Variants in GABRB1 observed in about 807,000 individuals in gnomAD.
GABRB1 encodes the protein gamma-aminobutyric acid receptor subunit beta-1.
Under a neutral mutation model 51.6 loss-of-function variants are expected in GABRB1, and 17 were observed. That is an observed-to-expected ratio of 0.33 (90% CI 0.23 to 0.49). The LOEUF (loss-of-function observed/expected upper bound fraction) is 0.49, where lower values mean the gene tolerates loss of function less well. GABRB1 is among the 20% of genes least tolerant of loss of function. GABRB1 has a pLI of 0.99. For missense variants in GABRB1, 410 were observed against 600.6 expected (o/e 0.68, Z 3.32); for synonymous variants, 247 against 218.9 (o/e 1.13, Z -1.14).
Position 47,031,923 on chromosome 4 carries a change from A to T in GABRB1, c.90A>T (p.Glu30Asp), listed in dbSNP as rs1577840620. ...TACTTCTTCCCCTTAGCACCAATGA[A>T]CCCAGCAACATGTCATACGTGAAAG... ...TMVCCAHSTN[E>D]PSNMSYVKET... Residue 30 changes from glutamate (E) to aspartate (D), a missense_variant, in exon 2 of 9, where the codon GAA (glutamate) becomes GAT (aspartate). Around this residue, in one of 5 missense-constraint regions of GABRB1, gnomAD observed 56 missense variants for 54.8 expected, o/e 1.02. Transcript: ENST00000295454. The T allele has an allele frequency of 6.2e-7, 1 of 1,613,926 alleles. No homozygotes were observed. The highest frequency in any genetic ancestry group is 8.5e-7 in the Non-Finnish European group (1 of 1,179,904).
Position 47,254,361 on chromosome 4 carries a change from GTTTTTTTTT to G in GABRB1, c.462-65743_462-65735del, listed in dbSNP as rs56838956. Reference sequence around the variant, plus strand: ...ATGGTGGATGATGTTTCTTTTCTTTGTTTTTTTTTTTTTTTTTTTTTTTTTTTTTTTGAG... The same window carrying G: ...ATGGTGGATGATGTTTCTTTTCTTTGTTTTTTTTTTTTTTTTTTTTTTGAG... On this transcript the variant is annotated intron_variant, in intron 4 of 8. Coordinates refer to ENST00000295454, the MANE Select transcript of GABRB1 (RefSeq NM_000812.4). Among the ~76,000 whole-genome samples, 91 of 80,950 alleles carry G rather than the reference GTTTTTTTTT, an allele frequency of 1.1e-3. 1 individual carries two copies. Among genetic ancestry groups the G allele is most frequent in the African/African-American group, 4.4e-3 (84 of 19,276 alleles). 53.1% of individuals were successfully genotyped at this position (80,950 alleles called of 152,430 possible). A position where few individuals can be genotyped will look rare whatever the true frequency, so the allele number is the denominator to read the frequency against.
Position 47,096,894 on chromosome 4 carries a change from G to A in GABRB1, c.241-64355G>A, listed in dbSNP as rs369974394. 2.1e-4 allele frequency among the ~76,000 whole-genome samples: 32 copies of A among 152,256 alleles called. 1 individual carries two copies. Among genetic ancestry groups the A allele is most frequent in the African/African-American group, 7.2e-4 (30 of 41,566 alleles). ...TCCAGAAAGGAGCACAGCCCTGCAC[G>A]GGCCTTGATTTTACTCCAGTGAGAC... On this transcript the variant is annotated intron_variant, in intron 3 of 8. Transcript: ENST00000295454.
In GABRB1 at chr4:47,426,159, T is replaced by G; in HGVS notation, c.*141T>G. On this transcript the variant is annotated 3_prime_UTR_variant, in exon 9 of 9. Coordinates refer to ENST00000295454, the MANE Select transcript of GABRB1 (RefSeq NM_000812.4). ...GGTTTTAGGTCTTGCATATCAGTTT[T>G]ATTACTGCACCATGTTTACTTCAAA... The G allele has an allele frequency of 1.6e-6, 1 of 627,712 alleles. No homozygotes were observed. The highest frequency in any genetic ancestry group is 2.4e-5 in the South Asian group (1 of 41,660). 38.9% of individuals were successfully genotyped at this position (627,712 alleles called of 1,614,324 possible).
chr4:47,240,121 G>A (rs1721469707), intron 4 of GABRB1, among the ~76,000 whole-genome samples: 1 of 152,128 alleles, frequency 6.6e-6, no homozygotes, highest in South Asian at 2.1e-4. Context: ...AGCTCAGTCT[G>A]AATAGCATGC....
intron 5 of GABRB1, among the ~76,000 whole-genome samples, chr4:47,358,116 G>A (rs758103861): frequency 7.2e-5 from 11 of 151,988 alleles, no homozygotes; most frequent in Non-Finnish European, 1.6e-4. Flanking sequence ...CTAGAAAATG[G>A]CAGAGCTAAC....
chr4:47,096,322 A>C (rs1392312808), intron 3 of GABRB1, among the ~76,000 whole-genome samples: 1 of 152,242 alleles, frequency 6.6e-6, no homozygotes, highest in Non-Finnish European at 1.5e-5. Flanking sequence ...CAAAGTAGGA[A>C]GTACAAAGTC....
chr4:47,306,579 C>T (rs1399581570), intron 4 of GABRB1, among the ~76,000 whole-genome samples: 1 of 152,058 alleles, frequency 6.6e-6, no homozygotes, highest in African/African-American at 2.4e-5. Context: ...CCCTACCTCT[C>T]CCTCCCCAGA....
intron 1 of GABRB1, among the ~76,000 whole-genome samples, chr4:47,019,313 C>A (rs1724839865): frequency 6.6e-6 from 1 of 152,068 alleles, no homozygotes; most frequent in South Asian, 2.1e-4. Flanking sequence ...TTTCTAGTTT[C>A]TTTTTGTCTA....
At chr4:47,064,367 G>T (rs532350907) in intron 3 of GABRB1, among the ~76,000 whole-genome samples, 15 of 152,118 alleles carry the variant, frequency 9.9e-5, no homozygotes, top group Non-Finnish European at 1.8e-4. Flanking sequence ...AGGTGCGGTG[G>T]CTCACGCCTG....
chr4:47,166,737 A>T (rs983702344), intron 4 of GABRB1, among the ~76,000 whole-genome samples: 2 of 152,086 alleles, frequency 1.3e-5, no homozygotes, highest in African/African-American at 2.4e-5. Context: ...ATTATTTGTC[A>T]TTTCTCTAAA....
At chr4:47,153,068 G>A (rs1362446641) in intron 3 of GABRB1, among the ~76,000 whole-genome samples, 3 of 151,984 alleles carry the variant, frequency 2.0e-5, no homozygotes, top group Non-Finnish European at 4.4e-5. Flanking sequence ...TTACACAGGT[G>A]ATGGAAGAAC....
intron 1 of GABRB1, among the ~76,000 whole-genome samples, chr4:47,019,676 TTTCC>T (rs1307635332): frequency 1.2e-4 from 17 of 137,830 alleles, no homozygotes; most frequent in East Asian, 8.7e-4. Context: ...TCTTTCTTTC[TTTCC>T]TTCTTTCCTT....
chr4:47,393,977 C>T (rs898187323), intron 5 of GABRB1, among the ~76,000 whole-genome samples: 3 of 152,148 alleles, frequency 2.0e-5, no homozygotes, highest in Admixed American at 2.0e-4. Flanking sequence ...TGATGCCATC[C>T]CTAAGAACTA....
chr4:47,031,697 C>A lies in GABRB1; in HGVS notation c.46C>A (p.Pro16Thr), dbSNP rs781754818. 17 of 1,613,762 alleles carry A rather than the reference C, an allele frequency of 1.1e-5. No individual in the cohort carries two copies. In the South Asian group the frequency reaches 1.9e-4, roughly 18 times the overall value. Reference sequence around the variant, plus strand: ...AGAGAGTCTGGGGCTTCTCTCTTTCCCTGTGATGATTACCATGGTCTGTTG... The same window carrying A: ...AGAGAGTCTGGGGCTTCTCTCTTTCACTGTGATGATTACCATGGTCTGTTG... ...NRESLGLLSF[P>T]VMITMVCCAH... Residue 16 changes from proline to threonine, a missense_variant, in exon 1 of 9, where the codon CCT becomes ACT. By Grantham distance (38) the Pro-to-Thr change is conservative. This residue lies in a region of GABRB1 where 56 missense variants were observed against 54.8 expected (regional missense o/e 1.02). Transcript: ENST00000295454.
At chr4:47,137,098 C>T (rs1038060733) in intron 3 of GABRB1, among the ~76,000 whole-genome samples, 19 of 152,182 alleles carry the variant, frequency 1.2e-4, no homozygotes, top group East Asian at 9.7e-4. Flanking sequence ...ACAAGTCCTG[C>T]GCTAAAAAAT....
chr4:47,175,653 A>G (rs1483430300), intron 4 of GABRB1, among the ~76,000 whole-genome samples: 2 of 152,222 alleles, frequency 1.3e-5, no homozygotes, highest in African/African-American at 2.4e-5. Context: ...ACAGCCCATG[A>G]GTAGGGGATT....
intron 1 of GABRB1, among the ~76,000 whole-genome samples, chr4:47,017,765 C>A (rs2109447667): frequency 6.6e-6 from 1 of 152,268 alleles, no homozygotes. Flanking sequence ...TCTGACTCAT[C>A]TCTCAATCAA....
intron 8 of GABRB1, among the ~76,000 whole-genome samples, chr4:47,409,141 C>T: frequency 6.6e-6 from 1 of 152,134 alleles, no homozygotes; most frequent in Non-Finnish European, 1.5e-5. Flanking sequence ...TGGGCTCTGG[C>T]CCCATGGTAG....
chr4:47,284,837 T>TAA lies in GABRB1; in HGVS notation c.462-35287_462-35286dup, dbSNP rs553387514. Among the ~76,000 whole-genome samples, 123 of 152,208 alleles carry TAA rather than the reference T, an allele frequency of 8.1e-4. 4 individuals carry two copies. The South Asian group carries it at 0.024, about 30-fold the overall frequency. ...AACCAGACAGCTCTCAGAAGCAAAA[T>TAA]AAAACTTAAATCCTATAATGAAGAA... is the stretch of plus-strand genomic sequence containing the variant. On this transcript the variant is annotated intron_variant, in intron 4 of 8. Transcript: ENST00000295454.
Sources: gnomAD v4.1 joint callset for allele counts (sites outside exome capture counted in the v4.1 genomes callset) on GRCh38, gnomAD v4.1.1 for gene constraint, gnomAD v4.1.1 regional missense constraint, MANE v1.5 for transcripts, NCBI Gene and HGNC (gene_info 2026-07-23, HGNC 2026-07-21) for gene names.